The following NLK variants were observed in gnomAD, a reference collection of about 807,000 sequenced individuals.
NLK encodes nemo like kinase.
Under a neutral mutation model 59.0 loss-of-function variants are expected in NLK, and 11 were observed. That is an observed-to-expected ratio of 0.19 (90% CI 0.12 to 0.31). The LOEUF (loss-of-function observed/expected upper bound fraction) is 0.31. NLK is among the 10% of genes least tolerant of loss of function. NLK has a pLI of 1.00. For missense variants in NLK, 410 were observed against 661.1 expected (o/e 0.62, Z 4.16); for synonymous variants, 235 against 235.9 (o/e 1.00, Z 0.03).
chr17:28,168,551 G>A lies in NLK; in HGVS notation c.941G>A (p.Gly314Asp), dbSNP rs1468730664. The change falls in exon 6 of 11, where the codon GGC becomes GAC. Residue 314 changes from glycine (G) to aspartate (D), a missense_variant. This residue lies in a region of NLK where 150 missense variants were observed against 244.3 expected (regional missense o/e 0.61). Transcript: ENST00000407008. Reference protein sequence around the residue: ...QYYRAPEILMGSRHYSNAIDI... With the variant: ...QYYRAPEILMDSRHYSNAIDI... ...TATCGGGCTCCAGAAATCCTGATGGGCAGCCGTCATTACAGCAATGCTATT... is the reference window on the plus strand; with the variant it reads ...TATCGGGCTCCAGAAATCCTGATGGACAGCCGTCATTACAGCAATGCTATT... 1 of 1,613,310 alleles carries A rather than the reference G, an allele frequency of 6.2e-7. No individual in the cohort carries two copies. The highest frequency in any genetic ancestry group is 8.5e-7 in the Non-Finnish European group (1 of 1,179,310).
chr17:28,103,792 T>G (rs1352960899), intron 1 of NLK, among the ~76,000 whole-genome samples: 1 of 152,064 alleles, frequency 6.6e-6, no homozygotes, highest in East Asian at 1.9e-4. Context: ...GAGAAATAGT[T>G]TTAAGACTGA....
At chr17:28,142,298 T>C (rs756516280) in intron 3 of NLK, among the ~76,000 whole-genome samples, 7 of 152,230 alleles carry the variant, frequency 4.6e-5, no homozygotes, top group Non-Finnish European at 1.0e-4. Context: ...AACAAATTTG[T>C]TACTTTACAA....
rs1567740591 is a variant in NLK at position 28,185,283 on chromosome 17, T to TA, written c.1236+18_1236+19insA. 6 of 1,429,452 alleles carry TA rather than the reference T, an allele frequency of 4.2e-6. No homozygotes were observed. The highest frequency in any genetic ancestry group is 2.9e-5 in the African/African-American group (2 of 69,450). The allele number at this position is 1,429,452 out of a possible 1,614,324, so 88.5% of individuals were successfully genotyped here. On this transcript the variant is annotated intron_variant, in intron 8 of 10. Transcript: ENST00000407008. ...TTGATCCAGTAAGTAGTGTTTTTTT[T>TA]TATATATTTTTAATGAATTACAAAT... is the stretch of plus-strand genomic sequence containing the variant.
chr17:28,140,126 A>G (rs1906926021), intron 3 of NLK, among the ~76,000 whole-genome samples: 1 of 152,108 alleles, frequency 6.6e-6, no homozygotes, highest in Non-Finnish European at 1.5e-5. Context: ...TAAATCATCT[A>G]GTTGGCCAGA....
intron 1 of NLK, among the ~76,000 whole-genome samples, chr17:28,120,235 G>GGTGTGTGTGTGT (rs10542547): frequency 8.6e-5 from 12 of 139,086 alleles, no homozygotes; most frequent in Admixed American, 4.3e-4. Context: ...TTTGGCTTGG[G>GGTGTGTGTGTGT]GTGTGTGTGT....
At chr17:28,125,115 T>G in intron 2 of NLK, among the ~76,000 whole-genome samples, 1 of 152,172 alleles carries the variant, frequency 6.6e-6, no homozygotes, top group East Asian at 1.9e-4. Flanking sequence ...CCAACCAATC[T>G]TGGCCTCTTC....
chr17:28,198,654 C>G (rs1234584662), downstream of NLK, among the ~76,000 whole-genome samples: 1 of 152,234 alleles, frequency 6.6e-6, no homozygotes, highest in South Asian at 2.1e-4. Flanking sequence ...CCTCCATTCT[C>G]TTCCGGAGTT....
chr17:28,049,484 C>T (rs912549931), intron 1 of NLK, among the ~76,000 whole-genome samples: 1 of 152,086 alleles, frequency 6.6e-6, no homozygotes, highest in Non-Finnish European at 1.5e-5. Flanking sequence ...AATAATTTTG[C>T]GAACCTCTAT....
chr17:28,188,970 GACAA>G (rs923319909), intron 8 of NLK, among the ~76,000 whole-genome samples: 2 of 145,004 alleles, frequency 1.4e-5, no homozygotes, highest in Non-Finnish European at 3.0e-5. Context: ...CACATACACA[GACAA>G]ACACAGACAC....
chr17:28,049,741 G>A (rs1450876934), intron 1 of NLK, among the ~76,000 whole-genome samples: 1 of 152,160 alleles, frequency 6.6e-6, no homozygotes, highest in East Asian at 1.9e-4. Context: ...CCAGCACTTT[G>A]GGAGGCCGAG....
intron 1 of NLK, among the ~76,000 whole-genome samples, chr17:28,107,210 G>A (rs1351063090): frequency 6.6e-6 from 1 of 152,038 alleles, no homozygotes; most frequent in Non-Finnish European, 1.5e-5. Context: ...GAGGTGGGTG[G>A]ATCACCTGAG....
intron 8 of NLK, among the ~76,000 whole-genome samples, chr17:28,187,880 G>A (rs1005400393): frequency 6.6e-6 from 1 of 152,110 alleles, no homozygotes; most frequent in African/African-American, 2.4e-5. Context: ...TGGAACCTAT[G>A]TAAGTAACTA....
At chr17:28,201,949 G>C in the NLK span, among the ~76,000 whole-genome samples, 1 of 152,158 alleles carries the variant, frequency 6.6e-6, no homozygotes, top group Non-Finnish European at 1.5e-5. Flanking sequence ...CCAGGAGGCA[G>C]AAGTTGCAGT....
chr17:28,204,027 G>A, the NLK span, among the ~76,000 whole-genome samples: 1 of 152,214 alleles, frequency 6.6e-6, no homozygotes, highest in African/African-American at 2.4e-5. Flanking sequence ...GTGCATGTCT[G>A]TCCATGTTTC....
chr17:28,201,992 G>A, the NLK span, among the ~76,000 whole-genome samples: 38 of 152,196 alleles, frequency 2.5e-4, no homozygotes, highest in South Asian at 6.6e-3. Flanking sequence ...CTCTGGCCTC[G>A]GTGACAGAGC....
chr17:28,160,296 A>G (rs1907951623), intron 3 of NLK, among the ~76,000 whole-genome samples: 1 of 152,234 alleles, frequency 6.6e-6, no homozygotes, highest in African/African-American at 2.4e-5. Context: ...TGTTTTGTCA[A>G]AGGCTGTTAT....
At chr17:28,111,569 C>T (rs866900569) in intron 1 of NLK, among the ~76,000 whole-genome samples, 1 of 152,052 alleles carries the variant, frequency 6.6e-6, no homozygotes, top group African/African-American at 2.4e-5. Context: ...AAAAACTGGA[C>T]GTATTAGATA....
intron 1 of NLK, among the ~76,000 whole-genome samples, chr17:28,109,210 G>A (rs1905355808): frequency 6.6e-6 from 1 of 152,012 alleles, no homozygotes. Context: ...AGATTTCCAG[G>A]TGATTCCTGT....
chr17:28,148,503 T>A (rs905983914), intron 3 of NLK, among the ~76,000 whole-genome samples: 2 of 152,108 alleles, frequency 1.3e-5, no homozygotes, highest in African/African-American at 4.8e-5. Context: ...ACTCAGGAGG[T>A]TAGAAAGAGA....
Sources: allele counts gnomAD v4.1 joint callset (sites outside exome capture counted in the v4.1 genomes callset), GRCh38; gene constraint gnomAD v4.1.1; regional missense constraint gnomAD v4.1.1; transcripts MANE v1.5; gene names NCBI Gene and HGNC (gene_info 2026-07-23, HGNC 2026-07-21).